The following IQCM variants were observed in gnomAD, a reference collection of about 807,000 sequenced individuals.
IQCM encodes IQ domain-containing protein M.
In IQCM, 45 loss-of-function variants were observed where a neutral mutation model predicts 57.6. The observed-to-expected ratio is 0.78, with a 90% CI of 0.62 to 1.00. IQCM has a LOEUF of 1.00. Among genes scored for constraint, IQCM ranks in the 50% least tolerant of loss-of-function variants. The pLI, the probability that IQCM is intolerant of heterozygous loss-of-function variation, is 0.00. For synonymous variants in IQCM, 148 were observed against 158.9 expected, an observed-to-expected ratio of 0.93 and a Z score of 0.51; for missense variants, 468 against 511.6, an observed-to-expected ratio of 0.91 and a Z score of 0.82.
chr4:149,375,702 AT>A (rs1343977309), intron 13 of IQCM, among the ~76,000 whole-genome samples: 2 of 152,106 alleles, frequency 1.3e-5, no homozygotes, highest in South Asian at 2.1e-4. Context: ...TTTCCTAAAT[AT>A]TTCCATTTAA....
At chr4:149,700,424 T>C (rs934879316) in intron 5 of IQCM, among the ~76,000 whole-genome samples, 1 of 151,812 alleles carries the variant, frequency 6.6e-6, no homozygotes, top group East Asian at 1.9e-4. Context: ...CATACACACA[T>C]GTCCCCTGGC....
At chr4:149,626,621 T>C (rs559942952) in intron 7 of IQCM, among the ~76,000 whole-genome samples, 1 of 150,660 alleles carries the variant, frequency 6.6e-6, no homozygotes, top group Admixed American at 6.6e-5. Flanking sequence ...GTAGATACTT[T>C]GAAGCTAATA....
chr4:149,367,967 C>G (rs982964564), intron 13 of IQCM, among the ~76,000 whole-genome samples: 6 of 151,912 alleles, frequency 3.9e-5, no homozygotes, highest in Non-Finnish European at 8.8e-5. Context: ...ATATCTTTTA[C>G]CTATTTTGCT....
chr4:149,758,643 TCTGA>T (rs1282581821), intron 2 of IQCM, among the ~76,000 whole-genome samples: 4 of 151,888 alleles, frequency 2.6e-5, no homozygotes, highest in African/African-American at 7.2e-5. Flanking sequence ...AAGAAAACAA[TCTGA>T]CTTTTAAATG....
intron 7 of IQCM, among the ~76,000 whole-genome samples, chr4:149,645,760 C>T (rs1758579982): frequency 6.6e-6 from 1 of 151,974 alleles, no homozygotes; most frequent in Admixed American, 6.6e-5. Flanking sequence ...TTTCCCAAGG[C>T]CCTTGCAGTA....
At chr4:149,588,958 A>G (rs1752883599) in intron 8 of IQCM, among the ~76,000 whole-genome samples, 1 of 151,896 alleles carries the variant, frequency 6.6e-6, no homozygotes, top group African/African-American at 2.4e-5. Flanking sequence ...ATCACTTCCA[A>G]CAATTTATGG....
At chr4:149,371,676 C>T (rs1019093666) in intron 13 of IQCM, among the ~76,000 whole-genome samples, 10 of 152,140 alleles carry the variant, frequency 6.6e-5, no homozygotes, top group African/African-American at 2.4e-4. Flanking sequence ...AGAAATATGA[C>T]CTAACTGTCC....
intron 8 of IQCM, among the ~76,000 whole-genome samples, chr4:149,618,622 A>G (rs1357027053): frequency 1.3e-5 from 2 of 152,184 alleles, no homozygotes; most frequent in Admixed American, 1.3e-4. Context: ...AATATCCAGA[A>G]TCTATTAGAA....
intron 5 of IQCM, among the ~76,000 whole-genome samples, chr4:149,686,860 T>C (rs565825053): frequency 1.3e-5 from 2 of 151,570 alleles, no homozygotes; most frequent in Admixed American, 1.3e-4. Flanking sequence ...TTAAAATAAT[T>C]TGGCAAATCT....
At position 149,798,606 on chromosome 4, in the gene IQCM, T is replaced by G. The variant is rs994784693; in HGVS notation, c.-49+16705A>C. Among the ~76,000 whole-genome samples, 6 of 152,022 alleles carry G rather than the reference T, an allele frequency of 3.9e-5. No individual in the cohort carries two copies. The East Asian group carries it at 1.2e-3, about 29-fold the overall frequency. ...TATCTGTTGCCTACAAGAAACACAC[T>G]TCACCTGTAAAAACACACATAGACT... On this transcript the variant is annotated intron_variant, in intron 2 of 13. Coordinates refer to ENST00000636793, the MANE Select transcript of IQCM (RefSeq NM_001363507.2).
chr4:149,415,846 C>G (rs111546493), intron 13 of IQCM, among the ~76,000 whole-genome samples: 1 of 151,834 alleles, frequency 6.6e-6, no homozygotes, highest in South Asian at 2.1e-4. Context: ...GGGTAAAAAG[C>G]CTGCTAGTAC....
chr4:149,774,633 C>T (rs1409515240), intron 2 of IQCM, among the ~76,000 whole-genome samples: 5 of 151,996 alleles, frequency 3.3e-5, no homozygotes, highest in African/African-American at 1.2e-4. Flanking sequence ...TGCATATATA[C>T]CTGGCTGGAG....
intron 12 of IQCM, among the ~76,000 whole-genome samples, chr4:149,544,460 A>T (rs1748180854): frequency 1.3e-5 from 2 of 152,176 alleles, no homozygotes. Context: ...TAGACTTTAT[A>T]TTGTTAATAT....
intron 5 of IQCM, among the ~76,000 whole-genome samples, chr4:149,697,794 C>G (rs749558880): frequency 4.6e-5 from 7 of 152,092 alleles, no homozygotes; most frequent in Non-Finnish European, 1.0e-4. Context: ...GTAAGCTTCA[C>G]TTATTCACAA....
At chr4:149,399,448 GT>G (rs1205336417) in intron 13 of IQCM, among the ~76,000 whole-genome samples, 1 of 151,912 alleles carries the variant, frequency 6.6e-6, no homozygotes, top group Non-Finnish European at 1.5e-5. Context: ...AAGGGAGAGA[GT>G]GAAGAAAAGA....
intron 6 of IQCM, 116 bp downstream of exon 6, chr4:149,686,262 G>A (rs1579994855): frequency 2.3e-6 from 1 of 427,738 alleles, no homozygotes; most frequent in Non-Finnish European, 3.9e-6. Flanking sequence ...CAATAAATTA[G>A]CTTCATGTAT....
At chr4:149,593,744 T>C (rs1361571539) in intron 8 of IQCM, among the ~76,000 whole-genome samples, 4 of 152,150 alleles carry the variant, frequency 2.6e-5, no homozygotes, top group African/African-American at 9.7e-5. Flanking sequence ...GTTCTGTTTA[T>C]AGGATGGATT....
chr4:149,588,018 G>A, intron 8 of IQCM, 21 bp from the exon 9 acceptor site: 8 of 1,095,108 alleles, frequency 7.3e-6, no homozygotes, highest in Non-Finnish European at 9.3e-6. Flanking sequence ...GAAAAGAAGA[G>A]TTGACATAAG....
chr4:149,463,091 G>C (rs1436610904), intron 12 of IQCM, among the ~76,000 whole-genome samples: 1 of 152,302 alleles, frequency 6.6e-6, no homozygotes. Flanking sequence ...CCTCTGGTTA[G>C]GAAAAATTTT....
Sources: allele counts gnomAD v4.1 joint callset (sites outside exome capture counted in the v4.1 genomes callset), GRCh38; gene constraint gnomAD v4.1.1; transcripts MANE v1.5; gene names NCBI Gene and HGNC (gene_info 2026-07-23, HGNC 2026-07-21).